The following CSRNP3 variants were observed in gnomAD, a reference collection of about 807,000 sequenced individuals.
The protein encoded by CSRNP3 is cysteine and serine rich nuclear protein 3, also known as cysteine/serine-rich nuclear protein 3.
A neutral mutation model predicts 48.0 loss-of-function variants in CSRNP3; 12 were observed. The ratio of observed to expected loss-of-function variants is 0.25; its 90% confidence interval spans 0.16 to 0.41. The LOEUF is 0.41. Ranked by LOEUF, CSRNP3 falls within the 10% of genes least tolerant of loss-of-function variation. The pLI is 1.00. For missense variants in CSRNP3, 580 were observed against 724.4 expected (o/e 0.80, Z 2.29); for synonymous variants, 263 against 269.7 (o/e 0.98, Z 0.24).
chr2:165,555,542 C>T (rs1343152984), intron 3 of CSRNP3, among the ~76,000 whole-genome samples: 1 of 152,192 alleles, frequency 6.6e-6, no homozygotes, highest in East Asian at 1.9e-4. Context: ...CATTCAGCCT[C>T]TTCTTTTGGG....
intron 3 of CSRNP3, among the ~76,000 whole-genome samples, chr2:165,542,857 G>A (rs1378790633): frequency 6.6e-6 from 1 of 152,058 alleles, no homozygotes; most frequent in African/African-American, 2.4e-5. Flanking sequence ...GATTATGTAG[G>A]AATATTCACA....
At chr2:165,627,830 G>GA in intron 4 of CSRNP3, among the ~76,000 whole-genome samples, 2 of 152,152 alleles carry the variant, frequency 1.3e-5, no homozygotes, top group East Asian at 3.9e-4. Context: ...TCTCATTCAT[G>GA]AATGAGGAAC....
At chr2:165,484,060 G>A (rs1397140545) in intron 1 of CSRNP3, among the ~76,000 whole-genome samples, 1 of 151,980 alleles carries the variant, frequency 6.6e-6, no homozygotes. Context: ...ATGAATTATT[G>A]TATACGGAAT....
chr2:165,687,720 AT>A lies in CSRNP3; in HGVS notation c.*7970del, dbSNP rs1033286962. On this transcript the variant is annotated 3_prime_UTR_variant, in exon 7 of 7. Transcript: ENST00000651982. ...CAGGGGTCAGGAAAATGATTTAAAAATTTGTCTTCTTGACAAGGCCTGAAAA... is the reference window on the plus strand; with the variant it reads ...CAGGGGTCAGGAAAATGATTTAAAAATTGTCTTCTTGACAAGGCCTGAAAA... 7.9e-5 allele frequency: 12 copies of A among 152,186 alleles called. No individual in the cohort carries two copies. Among genetic ancestry groups the A allele is most frequent in the Admixed American group, 7.2e-4 (11 of 15,270 alleles). 9.4% of individuals were successfully genotyped at this position (152,186 alleles called of 1,614,324 possible).
chr2:165,589,091 A>AG (rs1685676427), intron 3 of CSRNP3, among the ~76,000 whole-genome samples: 1 of 152,250 alleles, frequency 6.6e-6, no homozygotes, highest in African/African-American at 2.4e-5. Flanking sequence ...TAGGTATTTA[A>AG]GGAGTACAGC....
intron 4 of CSRNP3, among the ~76,000 whole-genome samples, chr2:165,609,542 A>AT (rs35435375): frequency 0.51 from 75,922 of 148,764 alleles, 20,181 homozygotes; most frequent in Admixed American, 0.6. Flanking sequence ...ATAAATACTG[A>AT]TAAAAAAAAA....
intron 3 of CSRNP3, among the ~76,000 whole-genome samples, chr2:165,593,023 G>A (rs368929043): frequency 0.015 from 2,213 of 151,624 alleles, 28 homozygotes; most frequent in South Asian, 0.024. Flanking sequence ...GGATGGTCTC[G>A]ATCTCCTGAC....
chr2:165,519,011 G>A (rs1012497929), intron 3 of CSRNP3, among the ~76,000 whole-genome samples: 2 of 151,940 alleles, frequency 1.3e-5, no homozygotes, highest in African/African-American at 4.8e-5. Context: ...AAGCTAAATG[G>A]GAATTATTTG....
intron 5 of CSRNP3, among the ~76,000 whole-genome samples, chr2:165,663,115 TC>T (rs928438299): frequency 6.6e-6 from 1 of 152,188 alleles, no homozygotes; most frequent in Non-Finnish European, 1.5e-5. Flanking sequence ...CCTTTGTATC[TC>T]CTCAAAAGTC....
chr2:165,645,200 G>A (rs540856770), intron 4 of CSRNP3, among the ~76,000 whole-genome samples: 4 of 152,222 alleles, frequency 2.6e-5, no homozygotes, highest in African/African-American at 9.6e-5. Flanking sequence ...TGGGTGTGGT[G>A]GCATGCACCT....
intron 2 of CSRNP3, among the ~76,000 whole-genome samples, chr2:165,500,342 T>TATATATGTATATGTATACATAC (rs1369173480): frequency 2.0e-5 from 3 of 150,522 alleles, no homozygotes; most frequent in African/African-American, 7.3e-5. Context: ...TATACATATG[T>TATATATGTATATGTATACATAC]ATATATGTAT....
In CSRNP3 at chr2:165,676,447, C is replaced by A; in HGVS notation, c.544C>A (p.Arg182=). Residue 182 remains arginine (R), a synonymous_variant, in exon 6 of 7, where the codon CGA becomes AGA. Coordinates refer to ENST00000651982, the MANE Select transcript of CSRNP3 (RefSeq NM_001172173.2). ...FFLQPLPTKK[R]RALLRASGVK... Reference sequence around the variant, plus strand: ...CCTACAACCTTTGCCAACAAAAAAACGAAGAGCTCTGCTGCGTGCCTCTGG... The same window carrying A: ...CCTACAACCTTTGCCAACAAAAAAAAGAAGAGCTCTGCTGCGTGCCTCTGG... The A allele has an allele frequency of 1.2e-6, 2 of 1,614,106 alleles. No homozygotes were observed. Among genetic ancestry groups the A allele is most frequent in the Non-Finnish European group, 1.7e-6 (2 of 1,179,998 alleles).
At chr2:165,495,665 T>C (rs564919249) in intron 2 of CSRNP3, among the ~76,000 whole-genome samples, 1 of 152,158 alleles carries the variant, frequency 6.6e-6, no homozygotes, top group African/African-American at 2.4e-5. Context: ...CAAAATTATA[T>C]TTCAGAAGAG....
chr2:165,504,562 G>A (rs1684399303), intron 2 of CSRNP3, among the ~76,000 whole-genome samples: 1 of 151,940 alleles, frequency 6.6e-6, no homozygotes, highest in Non-Finnish European at 1.5e-5. Context: ...TAACAAAACT[G>A]TTTTCAAAAT....
Position 165,616,353 on chromosome 2 carries a change from T to C in CSRNP3, c.148+21140T>C, listed in dbSNP as rs538060281. ...GTTTCTTTCTCATTTGTGTATCTGC[T>C]GTACCAGTACATTTTATACTTTTAT... On this transcript the variant is annotated intron_variant, in intron 4 of 6. Transcript: ENST00000651982. Among the ~76,000 whole-genome samples the C allele has an allele frequency of 4.6e-5, 7 of 152,342 alleles. No individual in the cohort carries two copies. In the South Asian group the frequency reaches 1.4e-3, roughly 32 times the overall value.
chr2:165,550,551 G>A (rs1685083241), intron 3 of CSRNP3, among the ~76,000 whole-genome samples: 1 of 152,174 alleles, frequency 6.6e-6, no homozygotes, highest in South Asian at 2.1e-4. Context: ...ACTAAAATAT[G>A]CTTACGTTGT....
At chr2:165,579,173 G>T (rs1450841937) in intron 3 of CSRNP3, among the ~76,000 whole-genome samples, 1 of 152,136 alleles carries the variant, frequency 6.6e-6, no homozygotes. Context: ...ATGAGGAAAA[G>T]ATGTGTTTTC....
chr2:165,567,208 C>T (rs1020620367), intron 3 of CSRNP3, among the ~76,000 whole-genome samples: 6 of 152,016 alleles, frequency 3.9e-5, no homozygotes, highest in African/African-American at 7.2e-5. Flanking sequence ...GGTTAGACAT[C>T]TAATTCAGCA....
intron 4 of CSRNP3, among the ~76,000 whole-genome samples, chr2:165,609,239 A>G (rs977588758): frequency 6.6e-5 from 10 of 151,438 alleles, no homozygotes; most frequent in African/African-American, 2.4e-4. Flanking sequence ...GAGGATCACG[A>G]GGTCAGGAGA....
Sources: allele counts gnomAD v4.1 joint callset (sites outside exome capture counted in the v4.1 genomes callset), GRCh38; gene constraint gnomAD v4.1.1; transcripts MANE v1.5; gene names NCBI Gene and HGNC (gene_info 2026-07-23, HGNC 2026-07-21).